MYZAP: variants seen among roughly 807,000 people sequenced by gnomAD.
MYZAP encodes GRINL1A complex locus upstream.
In MYZAP, 66 loss-of-function variants were observed where a neutral mutation model predicts 69.4. The observed-to-expected ratio is 0.95, with a 90% CI of 0.78 to 1.17. MYZAP has a LOEUF of 1.17. MYZAP is among the 50% of genes most tolerant of loss of function. The probability of loss-of-function intolerance (pLI) is 0.00; values close to 1 mark genes in which losing one functional copy is unlikely to be tolerated. For synonymous variants in MYZAP, 256 were observed against 205.9 expected (o/e 1.24, Z -2.09); for missense variants, 611 against 556.2 (o/e 1.10, Z -0.99).
chr15:57,621,080 A>T (rs2035777506), intron 3 of MYZAP, among the ~76,000 whole-genome samples: 1 of 147,894 alleles, frequency 6.8e-6, no homozygotes, highest in Admixed American at 6.8e-5. Context: ...TAATAAAATT[A>T]TATATATATA....
At chr15:57,666,615 T>C (rs2038581471) in intron 11 of MYZAP, among the ~76,000 whole-genome samples, 1 of 152,018 alleles carries the variant, frequency 6.6e-6, no homozygotes, top group African/African-American at 2.4e-5. Context: ...AGTGAGAACA[T>C]GCGGTGTTCA....
rs117993732 is a variant in MYZAP at position 57,604,574 on chromosome 15, G to A, written c.162+219G>A. ...CCGACGTGCCCTGCTCTTGTTTCTTGGTGAACACTATGGCTTTGTGTTACC... is the reference window on the plus strand; with the variant it reads ...CCGACGTGCCCTGCTCTTGTTTCTTAGTGAACACTATGGCTTTGTGTTACC... On this transcript the variant is annotated intron_variant, in intron 2 of 12. Transcript: ENST00000267853. 3.2e-3 allele frequency among the ~76,000 whole-genome samples: 494 copies of A among 152,288 alleles called. 3 individuals carry two copies. Among genetic ancestry groups the A allele is most frequent in the Non-Finnish European group, 5.8e-3 (394 of 68,032 alleles).
chr15:57,661,526 A>T lies in MYZAP; in HGVS notation c.1196A>T (p.Glu399Val). ...CTTTTAGAAAAGATATCTTTCTTAG[A>T]AGGAGAGGTAAGGATCTCTGTTTCT... ...LQLLEKISFL[E>V]GENNELQSRL... Residue 399 changes from glutamate (E) to valine (V), a missense_variant, in exon 11 of 13, where the codon GAA becomes GTA. By Grantham distance (121) the Glu-to-Val change is moderately radical. Transcript: ENST00000267853. The T allele has an allele frequency of 1.9e-6, 3 of 1,608,538 alleles. No homozygotes were observed. Among genetic ancestry groups the T allele is most frequent in the Non-Finnish European group, 2.5e-6 (3 of 1,178,018 alleles).
chr15:57,673,504 GTGTGT>G (rs2038974367), intron 11 of MYZAP, among the ~76,000 whole-genome samples: 1 of 151,222 alleles, frequency 6.6e-6, no homozygotes, highest in African/African-American at 2.4e-5. Context: ...GTGTGTGTGT[GTGTGT>G]GTGTGTGTGA....
chr15:57,631,960 C>T (rs2008272), intron 6 of MYZAP, among the ~76,000 whole-genome samples: 3,362 of 152,244 alleles, frequency 0.022, 139 homozygotes, highest in African/African-American at 0.077. Flanking sequence ...GACTTTTTCT[C>T]ACCTCCTAAG....
chr15:57,649,047 T>C (rs1889704588), intron 10 of MYZAP, among the ~76,000 whole-genome samples: 1 of 152,102 alleles, frequency 6.6e-6, no homozygotes, highest in South Asian at 2.1e-4. Flanking sequence ...TTTTGCAACT[T>C]ATTTCTCAGT....
chr15:57,609,858 C>T (rs562493985), intron 2 of MYZAP, among the ~76,000 whole-genome samples: 2 of 152,180 alleles, frequency 1.3e-5, no homozygotes, highest in South Asian at 4.2e-4. Context: ...AAATTAAGTA[C>T]CTGTTGTTTT....
At position 57,658,222 on chromosome 15, in the gene MYZAP, C is replaced by T. The variant is rs79491065; in HGVS notation, c.1120-3228C>T. Reference sequence around the variant, plus strand: ...CCATACTTGCTTTATCTACTCCTTCCTCTTTTTTCCCCTCTTGTGCAGTAT... The same window carrying T: ...CCATACTTGCTTTATCTACTCCTTCTTCTTTTTTCCCCTCTTGTGCAGTAT... On this transcript the variant is annotated intron_variant, in intron 10 of 12. Coordinates refer to ENST00000267853, the MANE Select transcript of MYZAP (RefSeq NM_001018100.5). Among the ~76,000 whole-genome samples, 560 of 152,218 alleles carry T rather than the reference C, an allele frequency of 3.7e-3. 3 individuals are homozygous for T. Among genetic ancestry groups the T allele is most frequent in the African/African-American group, 0.013 (528 of 41,536 alleles).
intron 6 of MYZAP, among the ~76,000 whole-genome samples, chr15:57,631,495 G>A (rs1453480660): frequency 6.6e-6 from 1 of 151,968 alleles, no homozygotes; most frequent in Non-Finnish European, 1.5e-5. Context: ...GGAACTCAGG[G>A]TATGTTACAT....
intron 10 of MYZAP, among the ~76,000 whole-genome samples, chr15:57,645,311 A>G (rs1364531816): frequency 3.3e-5 from 5 of 152,156 alleles, no homozygotes; most frequent in African/African-American, 7.2e-5. Context: ...ATGAGTAAGA[A>G]CTCTTCAGAG....
At chr15:57,624,664 C>T (rs1216776606) in intron 4 of MYZAP, among the ~76,000 whole-genome samples, 1 of 152,244 alleles carries the variant, frequency 6.6e-6, no homozygotes, top group Non-Finnish European at 1.5e-5. Flanking sequence ...CCTACACACC[C>T]TCATTTTCTC....
At chr15:57,607,748 G>C (rs986301243) in intron 2 of MYZAP, among the ~76,000 whole-genome samples, 1 of 152,178 alleles carries the variant, frequency 6.6e-6, no homozygotes, top group Non-Finnish European at 1.5e-5. Context: ...AGGGGAGGAG[G>C]GTGGGGCTGT....
chr15:57,684,377 T>C (rs2140688247), intron 12 of MYZAP, 25 bp from the exon 13 acceptor site: 3 of 1,545,778 alleles, frequency 1.9e-6, no homozygotes, highest in Non-Finnish European at 2.7e-6. Context: ...TTCATTTTCC[T>C]GACCTGCATT....
chr15:57,654,017 A>AG (rs2037866836), intron 10 of MYZAP, among the ~76,000 whole-genome samples: 1 of 80,166 alleles, frequency 1.2e-5, no homozygotes, highest in Non-Finnish European at 2.5e-5. Context: ...AAAAAAAAAA[A>AG]AAAAAAAAAA....
chr15:57,623,113 T>A (rs989790237), intron 4 of MYZAP, among the ~76,000 whole-genome samples: 8 of 152,184 alleles, frequency 5.3e-5, no homozygotes, highest in African/African-American at 1.9e-4. Context: ...CATCGTAAGA[T>A]AAATGCGGGT....
At chr15:57,653,230 T>G (rs990282728) in intron 10 of MYZAP, among the ~76,000 whole-genome samples, 1 of 152,082 alleles carries the variant, frequency 6.6e-6, no homozygotes, top group South Asian at 2.1e-4. Context: ...AATGAAAACA[T>G]TATAAAGAAA....
At position 57,591,983 on chromosome 15, in the gene MYZAP, T is replaced by C. The variant is rs1690328; in HGVS notation, c.-52T>C. ...CGCAGGGCGGGCCCCGCACGCTTAT[T>C]CTGCCCGGGAGGAACGCCGGCGTCC... On this transcript the variant is annotated 5_prime_UTR_variant, in exon 1 of 13. Coordinates refer to ENST00000267853, the MANE Select transcript of MYZAP (RefSeq NM_001018100.5). The C allele has an allele frequency of 0.74, 1,019,353 of 1,384,516 alleles. 377,307 individuals carry two copies. The highest frequency in any genetic ancestry group is 0.96 in the East Asian group (30,614 of 31,992). The allele number at this position is 1,384,516 out of a possible 1,614,324, so 85.8% of individuals were successfully genotyped here.
At chr15:57,604,143 T>C (rs560019733) in intron 1 of MYZAP, 126 bp from the exon 2 acceptor site, 9 of 1,008,548 alleles carry the variant, frequency 8.9e-6, no homozygotes, top group Admixed American at 6.2e-5. Flanking sequence ...CTATGGCTCC[T>C]GTATGATCAG....
At chr15:57,597,422 A>G (rs953147145) in intron 1 of MYZAP, among the ~76,000 whole-genome samples, 1 of 152,194 alleles carries the variant, frequency 6.6e-6, no homozygotes, top group Non-Finnish European at 1.5e-5. Flanking sequence ...TTCTTTAAGC[A>G]TTACTCCCTT....
Sources: allele counts gnomAD v4.1 joint callset (sites outside exome capture counted in the v4.1 genomes callset), GRCh38; gene constraint gnomAD v4.1.1; transcripts MANE v1.5; gene names NCBI Gene and HGNC (gene_info 2026-07-23, HGNC 2026-07-21).